C10orf143: variants seen among roughly 807,000 people sequenced by gnomAD.
The protein encoded by C10orf143 is chromosome 10 open reading frame 143.
At chr10:130,041,058 C>T (rs956420318) in intron 3 of C10orf143, among the ~76,000 whole-genome samples, 2 of 152,196 alleles carry the variant, frequency 1.3e-5, no homozygotes, top group Admixed American at 6.5e-5. Context: ...GGGGCTGCGC[C>T]ATCCTAATGG....
At chr10:130,107,931 C>G (rs1227759903) in intron 1 of C10orf143, 2 of 1,398,816 alleles carry the variant, frequency 1.4e-6, no homozygotes, top group African/African-American at 1.4e-5. Context: ...TATTCTAACT[C>G]TGGTGGACTG....
intron 1 of C10orf143, among the ~76,000 whole-genome samples, chr10:130,108,758 G>A (rs567332384): frequency 1.8e-4 from 28 of 152,254 alleles, no homozygotes; most frequent in South Asian, 1.5e-3. Flanking sequence ...GTGTCTTTAT[G>A]CCAACAACTG....
In C10orf143 at chr10:130,095,273, C is replaced by T. The variant is rs539056865; in HGVS notation, c.70-15372G>A. Among the ~76,000 whole-genome samples, 108 of 152,076 alleles carry T rather than the reference C, an allele frequency of 7.1e-4. 1 individual carries two copies. Among genetic ancestry groups the T allele is most frequent in the African/African-American group, 2.5e-3 (102 of 41,434 alleles). ...CCTCTTCAAGGAGAACTACAAACCACTGCTCAAGGAAATAAAAGAGGACAC... is the reference window on the plus strand; with the variant it reads ...CCTCTTCAAGGAGAACTACAAACCATTGCTCAAGGAAATAAAAGAGGACAC... On this transcript the variant is annotated intron_variant, in intron 1 of 3. Transcript: ENST00000637128.
At chr10:130,035,520 G>C (rs551609681) in intron 4 of C10orf143, among the ~76,000 whole-genome samples, 19 of 152,190 alleles carry the variant, frequency 1.2e-4, no homozygotes, top group Non-Finnish European at 2.5e-4. Context: ...GCAAAGGGGT[G>C]CAGCTGCCTC....
At chr10:130,057,056 A>ATTT (rs11435950) in intron 3 of C10orf143, among the ~76,000 whole-genome samples, 10 of 133,566 alleles carry the variant, frequency 7.5e-5, no homozygotes, top group Non-Finnish European at 1.1e-4. Context: ...AGGCCCAGCT[A>ATTT]TTTTTTTTTT....
intron 3 of C10orf143, among the ~76,000 whole-genome samples, chr10:130,041,813 G>GCACACACACA (rs10551202): frequency 6.0e-5 from 9 of 150,702 alleles, no homozygotes; most frequent in South Asian, 4.2e-4. Flanking sequence ...AATAAGCTCT[G>GCACACACACA]CACACACACA....
chr10:130,038,827 G>T (rs760278266), intron 3 of C10orf143, among the ~76,000 whole-genome samples: 2 of 152,186 alleles, frequency 1.3e-5, no homozygotes, highest in Non-Finnish European at 2.9e-5. Flanking sequence ...GACTGTGTAT[G>T]CTTTTTCCTG....
At chr10:130,037,390 G>A (rs771034117) in intron 3 of C10orf143, among the ~76,000 whole-genome samples, 5 of 152,328 alleles carry the variant, frequency 3.3e-5, no homozygotes, top group East Asian at 1.9e-4. Flanking sequence ...ATGAGCAAGC[G>A]AAACAAGAGA....
intron 3 of C10orf143, among the ~76,000 whole-genome samples, chr10:130,038,262 G>A (rs751029318): frequency 3.9e-5 from 6 of 152,186 alleles, no homozygotes; most frequent in Admixed American, 6.5e-5. Flanking sequence ...CTGAAGTTTC[G>A]GGTTCGGGAC....
chr10:130,063,318 G>A (rs939871632), downstream of C10orf143, among the ~76,000 whole-genome samples: 5 of 152,102 alleles, frequency 3.3e-5, no homozygotes, highest in African/African-American at 9.7e-5. Flanking sequence ...AAAATTAGAC[G>A]TGTATCTCAT....
intron 1 of C10orf143, among the ~76,000 whole-genome samples, chr10:130,098,859 G>A (rs1388103052): frequency 1.3e-5 from 2 of 152,144 alleles, no homozygotes; most frequent in African/African-American, 4.8e-5. Flanking sequence ...GGCCGAGGTG[G>A]GTGGATCACT....
In C10orf143 at chr10:130,043,432, A is replaced by G. The variant is rs907059269; in HGVS notation, c.298-7462T>C. Among the ~76,000 whole-genome samples, 5 of 152,322 alleles carry G rather than the reference A, an allele frequency of 3.3e-5. No individual in the cohort carries two copies. In the South Asian group the frequency reaches 1.0e-3, roughly 32 times the overall value. On this transcript the variant is annotated intron_variant and NMD_transcript_variant, in intron 3 of 5. Coordinates refer to the C10orf143 transcript ENST00000643056. ...AAAGTATGATTTTTACAAGATGCCC[A>G]TTACCAAGACGGGCAGGTGGGAAAA...
intron 1 of C10orf143, chr10:130,104,952 A>ATTTGATTTATTT (rs1861616620): frequency 6.6e-6 from 1 of 152,122 alleles, no homozygotes; most frequent in African/African-American, 2.4e-5. Context: ...TATTTGAGAC[A>ATTTGATTTATTT]GAGTCTCACT....
intron 3 of C10orf143, among the ~76,000 whole-genome samples, chr10:130,074,490 C>A (rs773237473): frequency 6.6e-6 from 1 of 152,126 alleles, no homozygotes; most frequent in Non-Finnish European, 1.5e-5. Context: ...CAGGGCACTG[C>A]GCATCGATCT....
rs548192863 is a variant in C10orf143 at position 130,072,581 on chromosome 10, T to TA, written c.297+6984dup. Among the ~76,000 whole-genome samples, 507 of 152,322 alleles carry TA rather than the reference T, an allele frequency of 3.3e-3. 6 individuals carry two copies. The highest frequency in any genetic ancestry group is 0.012 in the African/African-American group (481 of 41,578). ...CATATCATGCACTTTTAGTTCTTTT[T>TA]AAAAAAACCTTCCAATTTTTTTTCA... is the stretch of plus-strand genomic sequence containing the variant. On this transcript the variant is annotated intron_variant, in intron 3 of 3. Coordinates refer to ENST00000637128, the MANE Select transcript of C10orf143 (RefSeq NM_001355042.2).
chr10:130,091,746 C>T (rs1861386013), intron 1 of C10orf143, among the ~76,000 whole-genome samples: 2 of 152,176 alleles, frequency 1.3e-5, no homozygotes, highest in East Asian at 3.9e-4. Flanking sequence ...CTGAAAAACA[C>T]AGCACGAGAA....
At chr10:130,053,444 G>A (rs754906776) in intron 3 of C10orf143, among the ~76,000 whole-genome samples, 4 of 152,274 alleles carry the variant, frequency 2.6e-5, no homozygotes, top group Admixed American at 6.5e-5. Flanking sequence ...TTTTTAAGCC[G>A]CTAAAACAAA....
intron 1 of C10orf143, among the ~76,000 whole-genome samples, chr10:130,087,319 G>A (rs902313994): frequency 1.3e-5 from 2 of 152,160 alleles, no homozygotes; most frequent in African/African-American, 4.8e-5. Flanking sequence ...CTTATGCCAA[G>A]CTAAAAAGAC....
chr10:130,104,026 A>T (rs1364570881), intron 1 of C10orf143: 5 of 152,204 alleles, frequency 3.3e-5, no homozygotes, highest in African/African-American at 1.2e-4. Context: ...CTAGGCAGGC[A>T]ACTTTCAATC....
Sources: gnomAD v4.1 joint callset for allele counts (sites outside exome capture counted in the v4.1 genomes callset) on GRCh38, gnomAD v4.1.1 for gene constraint, MANE v1.5 for transcripts, NCBI Gene and HGNC (gene_info 2026-07-23, HGNC 2026-07-21) for gene names.